ERGIC1: variants seen among roughly 807,000 people sequenced by gnomAD.
ERGIC1 encodes the protein endoplasmic reticulum-Golgi intermediate compartment protein 1.
Under a neutral mutation model 38.3 loss-of-function variants are expected in ERGIC1, and 19 were observed. That is an observed-to-expected ratio of 0.50 (90% CI 0.35 to 0.73). The LOEUF (loss-of-function observed/expected upper bound fraction) is 0.73. ERGIC1 is among the 30% of genes least tolerant of loss of function. The pLI, the probability that ERGIC1 is intolerant of heterozygous loss-of-function variation, is 0.01. For missense variants in ERGIC1, 294 were observed against 389.2 expected, an observed-to-expected ratio of 0.76 and a Z score of 2.06; for synonymous variants, 124 against 157.6, an observed-to-expected ratio of 0.79 and a Z score of 1.60.
intron 2 of ERGIC1, among the ~76,000 whole-genome samples, chr5:172,890,507 G>A (rs1410696003): frequency 6.6e-6 from 1 of 152,208 alleles, no homozygotes; most frequent in Non-Finnish European, 1.5e-5. Flanking sequence ...CTAACATAAC[G>A]GGAAGCCCAG....
At chr5:172,947,879 TGTG>T (rs1764157577) in intron 9 of ERGIC1, among the ~76,000 whole-genome samples, 2 of 54,052 alleles carry the variant, frequency 3.7e-5, no homozygotes, top group East Asian at 5.5e-4. Flanking sequence ...ATGTGTTTTG[TGTG>T]TGTGTGTGTG....
intron 1 of ERGIC1, among the ~76,000 whole-genome samples, chr5:172,888,474 A>G (rs1762475958): frequency 6.6e-6 from 1 of 151,928 alleles, no homozygotes; most frequent in African/African-American, 2.4e-5. Flanking sequence ...AAAAAAAGAA[A>G]TGTTATGAAG....
chr5:172,892,081 T>G (rs925759930), intron 2 of ERGIC1, among the ~76,000 whole-genome samples: 1 of 117,634 alleles, frequency 8.5e-6, no homozygotes, highest in Non-Finnish European at 1.9e-5. Flanking sequence ...TTTTTTTTTT[T>G]TTTTTGAAAC....
intron 1 of ERGIC1, among the ~76,000 whole-genome samples, chr5:172,864,749 C>G (rs540901028): frequency 5.3e-5 from 8 of 152,056 alleles, no homozygotes; most frequent in South Asian, 2.1e-4. Flanking sequence ...ATGTCCCCCC[C>G]CCTTTTTTTT....
rs535946072 is a variant in ERGIC1, at chr5:172,861,323, C to T, written c.20+26890C>T. Among the ~76,000 whole-genome samples, 7 of 152,326 alleles carry T rather than the reference C, an allele frequency of 4.6e-5. No homozygotes were observed. The East Asian group carries it at 7.7e-4, about 17-fold the overall frequency. ...CACCCAGCCTGCAGTGCCCTCTGTC[C>T]GGCTCTGTCAGACCCACGTGTTCTC... On this transcript the variant is annotated intron_variant, in intron 1 of 9. Transcript: ENST00000393784.
chr5:172,876,446 G>T (rs181035273), intron 1 of ERGIC1, among the ~76,000 whole-genome samples: 1 of 152,246 alleles, frequency 6.6e-6, no homozygotes, highest in Admixed American at 6.5e-5. Context: ...ATAATGAGTT[G>T]GTGGTGTAGG....
At position 172,926,716 on chromosome 5, in the gene ERGIC1, C is replaced by A; in HGVS notation, c.541+147C>A. On this transcript the variant is annotated intron_variant, in intron 7 of 9. Transcript: ENST00000393784. This position sits in a 1 kb window ranked among gnomAD's most constrained non-coding sequence, Gnocchi z 5.2. ...GCTCACACTCCATTCCCACAGCTAACCAGTGGGAAGGTGGACCCAGCCCCG... is the reference window on the plus strand; with the variant it reads ...GCTCACACTCCATTCCCACAGCTAAACAGTGGGAAGGTGGACCCAGCCCCG... The A allele has an allele frequency of 1.2e-6, 1 of 852,870 alleles. No homozygotes were observed. The highest frequency in any genetic ancestry group is 1.9e-6 in the Non-Finnish European group (1 of 537,348). The allele number at this position is 852,870 out of a possible 1,614,324, so 52.8% of individuals were successfully genotyped here. A position where few individuals can be genotyped will look rare whatever the true frequency, so the allele number is the denominator to read the frequency against.
Position 172,926,179 on chromosome 5 carries a change from C to A in ERGIC1, c.481-330C>A, listed in dbSNP as rs1211739599. 6.6e-6 allele frequency among the ~76,000 whole-genome samples: 1 copy of A among 152,192 alleles called. No homozygotes were observed. Among genetic ancestry groups the A allele is most frequent in the Non-Finnish European group, 1.5e-5 (1 of 68,022 alleles). On this transcript the variant is annotated intron_variant, in intron 6 of 9. Transcript: ENST00000393784. The surrounding 1 kb of genome is among the most constrained non-coding windows in gnomAD (Gnocchi z 5.2). ...TTCAGAGTTTAGCTTAGCCACTTAC[C>A]AGCCGGGCAAGTTTTGGTGTCTTTC...
At chr5:172,943,945 C>T (rs1216602767) in intron 9 of ERGIC1, among the ~76,000 whole-genome samples, 2 of 152,194 alleles carry the variant, frequency 1.3e-5, no homozygotes, top group Non-Finnish European at 2.9e-5. Flanking sequence ...CACACACGCA[C>T]CCCTTTTAAA....
chr5:172,921,058 A>C (rs1308822459), intron 5 of ERGIC1, among the ~76,000 whole-genome samples: 1 of 152,186 alleles, frequency 6.6e-6, no homozygotes, highest in African/African-American at 2.4e-5. Context: ...TCCGATGACA[A>C]ACATGTTCAC....
chr5:172,834,350 C>A lies in ERGIC1; in HGVS notation c.-64C>A. The A allele has an allele frequency of 8.1e-7, 1 of 1,237,274 alleles. No homozygotes were observed. Among genetic ancestry groups the A allele is most frequent in the Non-Finnish European group, 1.0e-6 (1 of 990,058 alleles). 76.6% of individuals were successfully genotyped at this position (1,237,274 alleles called of 1,614,324 possible). A position where few individuals can be genotyped will look rare whatever the true frequency, so the allele number is the denominator to read the frequency against. The stretch of plus-strand genomic sequence containing the variant: ...GGCCGGAGGAGGCGTTGGCAGCGGG[C>A]TCGGACCCACGCGGCGCCGCGGCCC... On this transcript the variant is annotated 5_prime_UTR_variant, in exon 1 of 10. Transcript: ENST00000393784. The surrounding 1 kb of genome is among the most constrained non-coding windows in gnomAD (Gnocchi z 4.1).
At chr5:172,856,860 A>G (rs959975152) in intron 1 of ERGIC1, among the ~76,000 whole-genome samples, 2 of 152,088 alleles carry the variant, frequency 1.3e-5, no homozygotes, top group Non-Finnish European at 2.9e-5. Context: ...CAGTATCCCT[A>G]TTTATGAGGT....
At chr5:172,920,464 G>A (rs561532206) in intron 5 of ERGIC1, 12 of 717,686 alleles carry the variant, frequency 1.7e-5, no homozygotes, top group East Asian at 1.6e-4. Flanking sequence ...AGCCAGCCCC[G>A]CAGGAGGAGG....
intron 1 of ERGIC1, among the ~76,000 whole-genome samples, chr5:172,886,479 T>G (rs1438118279): frequency 2.0e-5 from 3 of 152,168 alleles, no homozygotes; most frequent in African/African-American, 7.2e-5. Context: ...TCTCCTTCCC[T>G]TTCTTTGCCT....
chr5:172,900,240 C>T (rs1762834808), intron 3 of ERGIC1, among the ~76,000 whole-genome samples: 1 of 152,170 alleles, frequency 6.6e-6, no homozygotes, highest in African/African-American at 2.4e-5. Context: ...TCCAGCAAGC[C>T]CAGACAACTC....
At chr5:172,934,738 G>A (rs1208484146) in intron 8 of ERGIC1, 11 of 214,756 alleles carry the variant, frequency 5.1e-5, no homozygotes, top group Non-Finnish European at 7.8e-5. Flanking sequence ...TGCAGACTGC[G>A]ACTCCCTCTG....
rs1554115025 is a variant in ERGIC1, at chr5:172,952,520, G to GGAA, written c.*1704_*1705insGAA. The GGAA allele has an allele frequency of 1.7e-5, 2 of 115,748 alleles. No individual in the cohort carries two copies. The highest frequency in any genetic ancestry group is 5.1e-4 in the South Asian group (2 of 3,944). The allele number at this position is 115,748 out of a possible 1,614,324, so 7.2% of individuals were successfully genotyped here. A position where few individuals can be genotyped will look rare whatever the true frequency, so the allele number is the denominator to read the frequency against. On this transcript the variant is annotated 3_prime_UTR_variant, in exon 10 of 10. Coordinates refer to ENST00000393784, the MANE Select transcript of ERGIC1 (RefSeq NM_001031711.3). ...AAATTCTTTTATGCATTTTTTTGAAGAAAAAAAAAAAAACAACTCTGAGGA... is the reference window on the plus strand; with the variant it reads ...AAATTCTTTTATGCATTTTTTTGAAGGAAAAAAAAAAAAAAACAACTCTGAGGA...
At chr5:172,943,184 T>A (rs2113486636) in intron 9 of ERGIC1, among the ~76,000 whole-genome samples, 1 of 152,262 alleles carries the variant, frequency 6.6e-6, no homozygotes. Flanking sequence ...AGGTGCCATC[T>A]CAGACCCAGC....
At chr5:172,839,407 A>G (rs578144742) in intron 1 of ERGIC1, among the ~76,000 whole-genome samples, 5 of 150,798 alleles carry the variant, frequency 3.3e-5, no homozygotes, top group South Asian at 4.2e-4. Flanking sequence ...CTCTATGGGG[A>G]AAAAAAAATG....
Sources: allele counts gnomAD v4.1 joint callset (sites outside exome capture counted in the v4.1 genomes callset), GRCh38; gene constraint gnomAD v4.1.1; non-coding constraint Gnocchi (gnomAD v3.1); transcripts MANE v1.5; gene names NCBI Gene and HGNC (gene_info 2026-07-23, HGNC 2026-07-21).